CBX2: variants seen among roughly 807,000 people sequenced by gnomAD.
CBX2 encodes chromobox protein homolog 2.
A neutral mutation model predicts 21.0 loss-of-function variants in CBX2; 11 were observed. The ratio of observed to expected loss-of-function variants is 0.52; its 90% CI spans 0.33 to 0.87. CBX2 has a LOEUF of 0.87. Among genes scored for constraint, CBX2 ranks in the 40% least tolerant of loss-of-function variants. The pLI, the probability that CBX2 is intolerant of heterozygous loss-of-function variation, is 0.02. For missense variants in CBX2, 746 were observed against 724.3 expected (o/e 1.03, Z -0.34); for synonymous variants, 364 against 304.6 (o/e 1.19, Z -2.03).
At chr17:79,781,468 C>T (rs1159891689) in intron 3 of CBX2, among the ~76,000 whole-genome samples, 1 of 152,188 alleles carries the variant, frequency 6.6e-6, no homozygotes, top group Non-Finnish European at 1.5e-5. Flanking sequence ...GCGTTGCTTT[C>T]CTGTCTTCAG....
chr17:79,783,048 C>T (rs1162521417), intron 4 of CBX2, among the ~76,000 whole-genome samples: 1 of 152,196 alleles, frequency 6.6e-6, no homozygotes, highest in African/African-American at 2.4e-5. Context: ...CTTGTAACCT[C>T]CTGAGTCCTG....
chr17:79,778,651 C>T lies in CBX2; in HGVS notation c.116+224C>T, dbSNP rs1451979126. ...GCGGGTGCAGAGCTGGGCGGCCCCC[C>T]GCGCCAGAACCTCCTCGGCTGCCGC... On this transcript the variant is annotated intron_variant, in intron 2 of 4. Transcript: ENST00000310942. The surrounding 1 kb of genome is among the most constrained non-coding windows in gnomAD (Gnocchi z 4.8). 9.9e-5 allele frequency among the ~76,000 whole-genome samples: 15 copies of T among 151,734 alleles called. No homozygotes were observed. The highest frequency in any genetic ancestry group is 2.2e-4 in the Non-Finnish European group (15 of 67,866).
At chr17:79,782,192 G>A (rs1907275012) in intron 4 of CBX2, 8 of 1,611,646 alleles carry the variant, frequency 5.0e-6, no homozygotes, top group Non-Finnish European at 6.8e-6. Flanking sequence ...AAAAGCCTAA[G>A]ATTTGGGGGC....
chr17:79,784,436 T>A lies in CBX2; in HGVS notation c.993T>A (p.His331Gln). The A allele has an allele frequency of 6.2e-7, 1 of 1,611,810 alleles. No homozygotes were observed. Among genetic ancestry groups the A allele is most frequent in the South Asian group, 1.1e-5 (1 of 91,020 alleles). Residue 331 changes from histidine to glutamine, a missense_variant, in exon 5 of 5, where the codon CAT becomes CAA. Physicochemically the swap from His to Gln is conservative, Grantham distance 24. Around this residue, in one of 2 missense-constraint regions of CBX2, gnomAD observed 701 missense variants for 650.7 expected, o/e 1.08. Coordinates refer to ENST00000310942, the MANE Select transcript of CBX2 (RefSeq NM_005189.3). This position sits in a 1 kb window ranked among gnomAD's most constrained non-coding sequence, Gnocchi z 5.9. ...VGNTGGPPHT[H>Q]GASRVPAGCP... ...ACACAGGGGGCCCCCCGCACACCCA[T>A]GGTGCCAGCAGGGTGCCTGCTGGGT...
Position 79,784,590 on chromosome 17 carries a change from GCCA to G in CBX2, c.1151_1153del (p.Thr384del). On this transcript the variant is annotated inframe_deletion, in exon 5 of 5. Transcript: ENST00000310942. The surrounding 1 kb of genome is among the most constrained non-coding windows in gnomAD (Gnocchi z 5.9). ...CGCCACCGCCACCAAGGGTGTCCCG[GCCA>G]CCAACCCAGCCCCTGGGAAGGGCAC... 1 of 1,612,604 alleles carries G rather than the reference GCCA, an allele frequency of 6.2e-7. No homozygotes were observed. The highest frequency in any genetic ancestry group is 8.5e-7 in the Non-Finnish European group (1 of 1,179,936).
rs1907742013 is a variant in CBX2, at chr17:79,787,899, G to A, written c.*2857G>A. ...TCACTAAGGGGAGACTTCAGGGGAG[G>A]ATCAAGCTTTGAACCAAAGCCAATC... On this transcript the variant is annotated 3_prime_UTR_variant, in exon 5 of 5. Transcript: ENST00000310942. The A allele has an allele frequency of 6.6e-6, 1 of 152,196 alleles. No individual in the cohort carries two copies. The highest frequency in any genetic ancestry group is 2.1e-4 in the South Asian group (1 of 4,824). The allele number at this position is 152,196 out of a possible 1,614,324, so 9.4% of individuals were successfully genotyped here.
chr17:79,782,414 G>A, intron 4 of CBX2: 1 of 1,341,462 alleles, frequency 7.5e-7, no homozygotes, highest in Non-Finnish European at 9.6e-7. Flanking sequence ...GCGCCCCTGG[G>A]GTCCGTGGTA....
rs1174792737 is a variant in CBX2 at position 79,786,825 on chromosome 17, C to T, written c.*1783C>T. On this transcript the variant is annotated 3_prime_UTR_variant, in exon 5 of 5. Coordinates refer to ENST00000310942, the MANE Select transcript of CBX2 (RefSeq NM_005189.3). ...CAGACTGCAAGACCCCCCAGTACCT[C>T]ACCGTGCCAAATAGGAAGAGGTGGC... 1.3e-5 allele frequency: 2 copies of T among 152,710 alleles called. No homozygotes were observed. The highest frequency in any genetic ancestry group is 4.8e-5 in the African/African-American group (2 of 41,444). 9.5% of individuals were successfully genotyped at this position (152,710 alleles called of 1,614,324 possible). A position where few individuals can be genotyped will look rare whatever the true frequency, so the allele number is the denominator to read the frequency against.
intron 3 of CBX2, chr17:79,779,642 T>C: frequency 1.7e-6 from 1 of 596,158 alleles, no homozygotes; most frequent in Admixed American, 2.9e-5. Flanking sequence ...TATCCATCCC[T>C]GAGAAGAACC....
Position 79,784,883 on chromosome 17 carries a change from A to G in CBX2, c.1440A>G (p.Gly480=), listed in dbSNP as rs1555831420. 6.2e-7 allele frequency: 1 copy of G among 1,613,458 alleles called. No individual in the cohort carries two copies. Among genetic ancestry groups the G allele is most frequent in the East Asian group, 2.2e-5 (1 of 44,874 alleles). Reference sequence around the variant, plus strand: ...ACTCCGCCTCGCCGCCCAGCACTGGACAGAACCCGTCAGTGTCCGTTCAGA... The same window carrying G: ...ACTCCGCCTCGCCGCCCAGCACTGGGCAGAACCCGTCAGTGTCCGTTCAGA... ...DPDSASPPST[G]QNPSVSVQTS... is the part of the protein sequence containing the mutation. The change falls in exon 5 of 5, where the codon GGA becomes GGG. Residue 480 remains glycine, a synonymous_variant. Transcript: ENST00000310942. The surrounding 1 kb of genome is among the most constrained non-coding windows in gnomAD (Gnocchi z 5.9).
At chr17:79,782,544 G>A in intron 4 of CBX2, 1 of 1,074,604 alleles carries the variant, frequency 9.3e-7, no homozygotes, top group Non-Finnish European at 1.1e-6. Flanking sequence ...ACCTTCGCGT[G>A]TTGTGGCCAC....
In CBX2 at chr17:79,785,355, G is replaced by A; in HGVS notation, c.*313G>A. The A allele has an allele frequency of 4.4e-6, 2 of 458,598 alleles. No individual in the cohort carries two copies. Among genetic ancestry groups the A allele is most frequent in the South Asian group, 2.4e-5 (1 of 41,388 alleles). The allele number at this position is 458,598 out of a possible 1,614,324, so 28.4% of individuals were successfully genotyped here. On this transcript the variant is annotated 3_prime_UTR_variant, in exon 5 of 5. Transcript: ENST00000310942. ...CAGGTGACTGTCTTGAACAGAGCGG[G>A]CTTCTTCATGGCTGCGTTGTTGCTG...
chr17:79,782,004 C>T (rs782704943), intron 4 of CBX2: 4 of 1,613,982 alleles, frequency 2.5e-6, no homozygotes, highest in Non-Finnish European at 3.4e-6. Context: ...GAGAGTTCCT[C>T]CCCGCCCCTC....
Position 79,779,237 on chromosome 17 carries a change from G to A in CBX2, c.117-125G>A, listed in dbSNP as rs1402762727. 3 of 867,442 alleles carry A rather than the reference G, an allele frequency of 3.5e-6. No individual in the cohort carries two copies. In the East Asian group the frequency reaches 7.9e-5, roughly 23 times the overall value. 53.7% of individuals were successfully genotyped at this position (867,442 alleles called of 1,614,324 possible). On this transcript the variant is annotated intron_variant, in intron 2 of 4. Coordinates refer to ENST00000310942, the MANE Select transcript of CBX2 (RefSeq NM_005189.3). ...GGGTTTGGACTTTGAGAAGTGCCAT[G>A]GTGCTACGGTGCCACTGCCATCGGC...
intron 3 of CBX2, 83 bp downstream of exon 3, chr17:79,779,510 G>A (rs1220830619): frequency 2.3e-5 from 30 of 1,290,960 alleles, no homozygotes; most frequent in Non-Finnish European, 2.9e-5. Context: ...CTCGCCTGCC[G>A]GGAGGCTGGA....
upstream of CBX2, among the ~76,000 whole-genome samples, chr17:79,777,980 G>A (rs1225180933): frequency 4.9e-5 from 7 of 144,204 alleles, no homozygotes; most frequent in Non-Finnish European, 1.1e-4. Flanking sequence ...GGAGCGCGAG[G>A]CCCAGCCCGC....
chr17:79,781,620 G>A, intron 3 of CBX2, 76 bp from the exon 4 acceptor site: 2 of 1,268,656 alleles, frequency 1.6e-6, no homozygotes, highest in Non-Finnish European at 2.3e-6. Flanking sequence ...ATAGGGTGCT[G>A]GAAGCCATAG....
Position 79,785,323 on chromosome 17 carries a change from G to T in CBX2, c.*281G>T. Reference sequence around the variant, plus strand: ...TGCCTCAGGAAACCCGGTGGCACCTGTGGCTCCAGGTGACTGTCTTGAACA... The same window carrying T: ...TGCCTCAGGAAACCCGGTGGCACCTTTGGCTCCAGGTGACTGTCTTGAACA... On this transcript the variant is annotated 3_prime_UTR_variant, in exon 5 of 5. Transcript: ENST00000310942. The T allele has an allele frequency of 3.8e-6, 2 of 530,464 alleles. No homozygotes were observed. The highest frequency in any genetic ancestry group is 2.1e-5 in the South Asian group (1 of 48,226). The allele number at this position is 530,464 out of a possible 1,614,324, so 32.9% of individuals were successfully genotyped here.
Position 79,778,366 on chromosome 17 carries a change from C to G in CBX2, c.73-18C>G. On this transcript the variant is annotated intron_variant, in intron 1 of 4. Transcript: ENST00000310942. This position sits in a 1 kb window ranked among gnomAD's most constrained non-coding sequence, Gnocchi z 4.8. ...CCCGCTGTCCGTCTGGCTCACGGCC[C>G]CTCTTCTCTCCCCGCAGGGCAAGCT... is the stretch of plus-strand genomic sequence containing the variant. The G allele has an allele frequency of 1.3e-6, 2 of 1,584,604 alleles. No individual in the cohort carries two copies. Among genetic ancestry groups the G allele is most frequent in the Non-Finnish European group, 1.7e-6 (2 of 1,170,406 alleles).
Sources: gnomAD v4.1 joint callset for allele counts (sites outside exome capture counted in the v4.1 genomes callset) on GRCh38, gnomAD v4.1.1 for gene constraint, gnomAD v4.1.1 regional missense constraint, Gnocchi (gnomAD v3.1) non-coding constraint, MANE v1.5 for transcripts, NCBI Gene and HGNC (gene_info 2026-07-23, HGNC 2026-07-21) for gene names.